CARNS1: variants seen among roughly 807,000 people sequenced by gnomAD.
CARNS1 encodes the protein carnosine synthase 1, also known as ATP-grasp domain containing 1.
CARNS1 carries 61 observed loss-of-function variants against 74.0 expected under a neutral mutation model. That is an observed-to-expected ratio of 0.82 (90% CI 0.67 to 1.02). The LOEUF is 1.02. Ranked by LOEUF, CARNS1 falls within the 50% of genes least tolerant of loss-of-function variation. The pLI, the probability that CARNS1 is intolerant of heterozygous loss-of-function variation, is 0.00. For missense variants in CARNS1, 1,278 were observed against 1,308.4 expected (o/e 0.98, Z 0.36); for synonymous variants, 568 against 605.5 (o/e 0.94, Z 0.91).
chr11:67,420,466 GT>G, intron 7 of CARNS1, 142 bp from the exon 8 acceptor site: 1 of 442,300 alleles, frequency 2.3e-6, no homozygotes, highest in South Asian at 1.2e-4. Context: ...GGGAGAGCTC[GT>G]GTGCAATTTA....
rs369448907 is a variant in CARNS1, at chr11:67,423,810, G to T, written c.2062G>T (p.Val688Leu). 2.5e-6 allele frequency: 4 copies of T among 1,607,616 alleles called. No homozygotes were observed. The highest frequency in any genetic ancestry group is 1.1e-5 in the South Asian group (1 of 90,896). The change falls in exon 10 of 10, where the codon GTA (valine) becomes TTA (leucine). Residue 688 changes from valine (V) to leucine (L), a missense_variant. This residue lies in a region of CARNS1 where 1,164 missense variants were observed against 1,156.5 expected (regional missense o/e 1.01). Transcript: ENST00000687366. The surrounding 1 kb of genome is among the most constrained non-coding windows in gnomAD (Gnocchi z 5.1). ...GGCAGGTGCAGTGGGTGTCCGGCTG[G>T]TAGAGGATGCGCCACAGTGCCATGA... ...FGAGAVGVRL[V>L]EDAPQCHEHF...
At position 67,424,714 on chromosome 11, in the gene CARNS1, G is replaced by T. The variant is rs1863792505; in HGVS notation, c.*113G>T. On this transcript the variant is annotated 3_prime_UTR_variant, in exon 10 of 10. Transcript: ENST00000687366. ...ATCACCATGCCCCAGCCCCAGCCTG[G>T]CCCGCTGCAATGCCTAGGTCTGTTC... 2.4e-6 allele frequency: 3 copies of T among 1,232,768 alleles called. No individual in the cohort carries two copies. Among genetic ancestry groups the T allele is most frequent in the Admixed American group, 5.3e-5 (2 of 37,820 alleles). The allele number at this position is 1,232,768 out of a possible 1,614,324, so 76.4% of individuals were successfully genotyped here. A position where few individuals can be genotyped will look rare whatever the true frequency, so the allele number is the denominator to read the frequency against.
chr11:67,421,974 C>T (rs372692153), intron 9 of CARNS1, among the ~76,000 whole-genome samples: 1 of 151,600 alleles, frequency 6.6e-6, no homozygotes, highest in Admixed American at 6.6e-5. Context: ...TGCAACCTCC[C>T]GGGTTCACGC....
rs1200994169 is a variant in CARNS1 at position 67,417,571 on chromosome 11, G to A, written c.168G>A (p.Gly56=). 6.6e-6 allele frequency: 9 copies of A among 1,373,138 alleles called. No homozygotes were observed. Among genetic ancestry groups the A allele is most frequent in the Non-Finnish European group, 4.7e-6 (5 of 1,064,098 alleles). The allele number at this position is 1,373,138 out of a possible 1,614,324, so 85.1% of individuals were successfully genotyped here. ...TGGACTGCAAGGGATCCCCCGAGGG[G>A]GCCGAGGCCCGGGCTTGGACTGTCT... ...VGLDCKGSPE[G]AEARAWTVYY... is the part of the protein sequence containing the mutation. Residue 56 remains glycine (G), a synonymous_variant, in exon 3 of 10, where the codon GGG becomes GGA. Transcript: ENST00000687366.
Position 67,419,033 on chromosome 11 carries a change from G to T in CARNS1, c.642G>T (p.Leu214=). 1 of 1,557,490 alleles carries T rather than the reference G, an allele frequency of 6.4e-7. No individual in the cohort carries two copies. The highest frequency in any genetic ancestry group is 8.7e-7 in the Non-Finnish European group (1 of 1,151,822). The change falls in exon 5 of 10, where the codon CTG becomes CTT. Residue 214 remains leucine (L), a synonymous_variant. Transcript: ENST00000687366. ...TGGCCCGGCTGCTGGAGGACCGGCT[G>T]CTGACAAGGCAGTTGCTGGCCCAGC... is the stretch of plus-strand genomic sequence containing the variant. The part of the protein sequence containing the change: ...AELARLLEDR[L]LTRQLLAQQG...
At position 67,419,490 on chromosome 11, in the gene CARNS1, G is replaced by A. The variant is rs1470680292; in HGVS notation, c.856G>A (p.Ala286Thr). 7.4e-6 allele frequency: 12 copies of A among 1,612,190 alleles called. No homozygotes were observed. Among genetic ancestry groups the A allele is most frequent in the Non-Finnish European group, 1.0e-5 (12 of 1,179,588 alleles). ...CCCTTTCCCCTCCTTGCTGCAGGTA[G>A]CTGTGAAGCTCAGTGGCTGGCGCTG... Reference protein sequence around the residue: ...SEALGDILQVAVKLSGWRWRG... With the variant: ...SEALGDILQVTVKLSGWRWRG... Residue 286 changes from alanine to threonine, a missense_variant, in exon 6 of 10, where the codon GCT (alanine) becomes ACT (threonine). Ala to Thr is a moderately conservative substitution (Grantham distance 58, BLOSUM62 0). Transcript: ENST00000687366.
At position 67,416,575 on chromosome 11, in the gene CARNS1, A is replaced by C; in HGVS notation, c.3+373A>C. ...CTTCGTCCCAGCCTCATCAGCCCCC[A>C]GGGGATGGGAGAGGGCAGGCACCAG... On this transcript the variant is annotated intron_variant, in intron 2 of 9. Transcript: ENST00000687366. 3 of 1,071,748 alleles carry C rather than the reference A, an allele frequency of 2.8e-6. 1 individual carries two copies. The South Asian group carries it at 8.4e-5, about 30-fold the overall frequency. The allele number at this position is 1,071,748 out of a possible 1,614,324, so 66.4% of individuals were successfully genotyped here. A position where few individuals can be genotyped will look rare whatever the true frequency, so the allele number is the denominator to read the frequency against.
chr11:67,422,023 A>T (rs1863719576), intron 9 of CARNS1, among the ~76,000 whole-genome samples: 1 of 151,712 alleles, frequency 6.6e-6, no homozygotes. Context: ...CTGGGACTAC[A>T]GGCGCCCGCC....
Position 67,418,900 on chromosome 11 carries a change from GC to G in CARNS1, c.511del (p.Arg171ValfsTer26). On this transcript the variant is annotated frameshift_variant, in exon 5 of 10. Transcript: ENST00000687366. LOFTEE classifies it high-confidence loss of function. Reference protein sequence around the residue: ...LTFLDDFVPPRRATYFLAGLG... With the variant: ...LTFLDDFVPPXRATYFLAGLG... ...TTCCTGGATGACTTTGTCCCCCCGC[GC>G]CGTGCCACCTACTTTTTGGCAGGCC... 6.3e-7 allele frequency: 1 copy of G among 1,595,264 alleles called. No homozygotes were observed. Among genetic ancestry groups the G allele is most frequent in the East Asian group, 2.3e-5 (1 of 43,966 alleles).
chr11:67,422,076 G>A (rs1341921152), intron 9 of CARNS1, among the ~76,000 whole-genome samples: 1 of 146,702 alleles, frequency 6.8e-6, no homozygotes, highest in African/African-American at 2.5e-5. Context: ...GTTTCACCAT[G>A]TTAGCCAGGA....
Position 67,420,773 on chromosome 11 carries a change from G to A in CARNS1, c.1278G>A (p.Val426=). 1 of 1,239,648 alleles carries A rather than the reference G, an allele frequency of 8.1e-7. No homozygotes were observed. The highest frequency in any genetic ancestry group is 1.0e-6 in the Non-Finnish European group (1 of 994,520). 76.8% of individuals were successfully genotyped at this position (1,239,648 alleles called of 1,614,324 possible). Reference sequence around the variant, plus strand: ...CGGCCGAGGCCGCGCTGGCCGCCGTGCTGGCTCTGGAGGCCGGCCTGAGTG... The same window carrying A: ...CGGCCGAGGCCGCGCTGGCCGCCGTACTGGCTCTGGAGGCCGGCCTGAGTG... ...KAAAEAALAA[V]LALEAGLSAE... is the part of the protein sequence containing the mutation. The change falls in exon 8 of 10, where the codon GTG becomes GTA. Residue 426 remains valine (V), a synonymous_variant. Coordinates refer to ENST00000687366, the MANE Select transcript of CARNS1 (RefSeq NM_001166222.2).
Position 67,425,183 on chromosome 11 carries a change from C to A in CARNS1, c.*582C>A. On this transcript the variant is annotated 3_prime_UTR_variant, in exon 10 of 10. Transcript: ENST00000687366. ...CAGAAGTAATCCTCTTTCTGCTCAC[C>A]CCAGGCAGACACAACTGCCTATGTT... is the stretch of plus-strand genomic sequence containing the variant. The A allele has an allele frequency of 2.4e-6, 1 of 412,402 alleles. No homozygotes were observed. Among genetic ancestry groups the A allele is most frequent in the Non-Finnish European group, 4.9e-6 (1 of 205,244 alleles). The allele number at this position is 412,402 out of a possible 1,614,324, so 25.5% of individuals were successfully genotyped here. A position where few individuals can be genotyped will look rare whatever the true frequency, so the allele number is the denominator to read the frequency against.
chr11:67,424,337 G>A lies in CARNS1; in HGVS notation c.2589G>A (p.Met863Ile), dbSNP rs1863780925. Reference sequence around the variant, plus strand: ...CTCGTGGCCATCTGGTGGGCGTCATGTGCCTTGTGTCCCAGCACCTGCAGG... The same window carrying A: ...CTCGTGGCCATCTGGTGGGCGTCATATGCCTTGTGTCCCAGCACCTGCAGG... Reference protein sequence around the residue: ...PRARGHLVGVMCLVSQHLQAL... With the variant: ...PRARGHLVGVICLVSQHLQAL... Residue 863 changes from methionine (M) to isoleucine (I), a missense_variant, in exon 10 of 10, where the codon ATG (methionine) becomes ATA (isoleucine). Physicochemically the swap from Met to Ile is conservative, Grantham distance 10. Coordinates refer to ENST00000687366, the MANE Select transcript of CARNS1 (RefSeq NM_001166222.2). 1 of 1,609,000 alleles carries A rather than the reference G, an allele frequency of 6.2e-7. No individual in the cohort carries two copies. Among genetic ancestry groups the A allele is most frequent in the Non-Finnish European group, 8.5e-7 (1 of 1,178,090 alleles).
rs1188566686 is a variant in CARNS1 at position 67,425,256 on chromosome 11, G to A, written c.*655G>A. The A allele has an allele frequency of 2.7e-6, 1 of 364,152 alleles. No individual in the cohort carries two copies. The highest frequency in any genetic ancestry group is 5.4e-6 in the Non-Finnish European group (1 of 184,548). The allele number at this position is 364,152 out of a possible 1,614,324, so 22.6% of individuals were successfully genotyped here. On this transcript the variant is annotated 3_prime_UTR_variant, in exon 10 of 10. Coordinates refer to ENST00000687366, the MANE Select transcript of CARNS1 (RefSeq NM_001166222.2). The stretch of plus-strand genomic sequence containing the variant: ...TGAGAGAAGAAAAATGACTGCTCCA[G>A]GATTATACCACAGTGGAGAGCGGGT...
intron 4 of CARNS1, 38 bp downstream of exon 4, chr11:67,418,558 G>C: frequency 1.3e-6 from 2 of 1,518,718 alleles, no homozygotes; most frequent in Non-Finnish European, 1.8e-6. Context: ...CCCTTCTACA[G>C]AAAGGGCAGC....
At chr11:67,421,951 G>A (rs1863716917) in intron 9 of CARNS1, among the ~76,000 whole-genome samples, 1 of 151,490 alleles carries the variant, frequency 6.6e-6, no homozygotes, top group African/African-American at 2.4e-5. Context: ...GCAGTGGCGT[G>A]ATCTCGGCTC....
chr11:67,419,458 A>G (rs1392252141), intron 5 of CARNS1, 29 bp from the exon 6 acceptor site: 1 of 1,607,492 alleles, frequency 6.2e-7, no homozygotes, highest in Non-Finnish European at 8.5e-7. Context: ...GGTGGTGTCC[A>G]GGAGGCCCCT....
In CARNS1 at chr11:67,424,413, G is replaced by T. The variant is rs1436740549; in HGVS notation, c.2665G>T (p.Gly889Ter). The change falls in exon 10 of 10, where the codon GGA becomes TGA. Residue 889 changes from glycine to a stop codon, truncating the protein, a stop_gained. Transcript: ENST00000687366. LOFTEE classifies it high-confidence loss of function. ...GACCCTGCAGGCCCTGCACGACCGT[G>T]GACTGCTACGCCTCAATCTGCTGGA... ...RETLQALHDRGLLRLNLLEEA... is the reference protein window; with the variant it reads ...RETLQALHDR 1 of 1,589,056 alleles carries T rather than the reference G, an allele frequency of 6.3e-7. No individual in the cohort carries two copies. The highest frequency in any genetic ancestry group is 1.8e-5 in the Admixed American group (1 of 55,928).
rs1055979898 is a variant in CARNS1, at chr11:67,425,126, G to C, written c.*525G>C. Reference sequence around the variant, plus strand: ...TGGTGGCATCCAACCTGCCTCATTCGGCCTGACCGGTAGAGGCAGGTGGCC... The same window carrying C: ...TGGTGGCATCCAACCTGCCTCATTCCGCCTGACCGGTAGAGGCAGGTGGCC... On this transcript the variant is annotated 3_prime_UTR_variant, in exon 10 of 10. Coordinates refer to ENST00000687366, the MANE Select transcript of CARNS1 (RefSeq NM_001166222.2). 8.8e-6 allele frequency: 4 copies of C among 455,388 alleles called. No homozygotes were observed. The highest frequency in any genetic ancestry group is 1.3e-5 in the Non-Finnish European group (3 of 226,610). The allele number at this position is 455,388 out of a possible 1,614,324, so 28.2% of individuals were successfully genotyped here. A position where few individuals can be genotyped will look rare whatever the true frequency, so the allele number is the denominator to read the frequency against.
Sources: gnomAD v4.1 joint callset for allele counts (sites outside exome capture counted in the v4.1 genomes callset) on GRCh38, gnomAD v4.1.1 for gene constraint, gnomAD v4.1.1 regional missense constraint, Gnocchi (gnomAD v3.1) non-coding constraint, MANE v1.5 for transcripts, NCBI Gene and HGNC (gene_info 2026-07-23, HGNC 2026-07-21) for gene names.